SPOCK3: variants seen among roughly 807,000 people sequenced by gnomAD.
SPOCK3 encodes the protein SPARC (osteonectin), cwcv and kazal like domains proteoglycan 3, also known as testican-3.
A neutral mutation model predicts 56.6 loss-of-function variants in SPOCK3; 30 were observed. The observed-to-expected ratio is 0.53, with a 90% CI of 0.40 to 0.72. The LOEUF is 0.72. Ranked by LOEUF, SPOCK3 falls within the 30% of genes least tolerant of loss-of-function variation. SPOCK3 has a pLI of 0.00. For synonymous variants in SPOCK3, 196 were observed against 183.3 expected, an observed-to-expected ratio of 1.07 and a Z score of -0.56; for missense variants, 527 against 530.0, an observed-to-expected ratio of 0.99 and a Z score of 0.06.
At chr4:166,890,942 T>C (rs927499396) in intron 5 of SPOCK3, among the ~76,000 whole-genome samples, 2 of 152,080 alleles carry the variant, frequency 1.3e-5, no homozygotes, top group African/African-American at 4.8e-5. Flanking sequence ...TACTCCTGTA[T>C]TGGGTACTCA....
At chr4:167,212,532 C>T (rs977744264) in intron 2 of SPOCK3, among the ~76,000 whole-genome samples, 1 of 152,058 alleles carries the variant, frequency 6.6e-6, no homozygotes, top group Non-Finnish European at 1.5e-5. Flanking sequence ...GGAGCCACGG[C>T]GCCCAGCCAA....
At chr4:166,794,549 CA>C (rs1741699962) in intron 6 of SPOCK3, among the ~76,000 whole-genome samples, 1 of 150,960 alleles carries the variant, frequency 6.6e-6, no homozygotes, top group African/African-American at 2.4e-5. Flanking sequence ...CAAAAGTCAA[CA>C]AAAAATTTTT....
At chr4:166,774,361 T>C (rs946493617) in intron 7 of SPOCK3, among the ~76,000 whole-genome samples, 1 of 152,188 alleles carries the variant, frequency 6.6e-6, no homozygotes, top group Non-Finnish European at 1.5e-5. Flanking sequence ...TCTATTTTCA[T>C]ACCCCTAGAT....
intron 2 of SPOCK3, among the ~76,000 whole-genome samples, chr4:167,116,474 GTA>G (rs1187680700): frequency 9.9e-4 from 70 of 70,862 alleles, no homozygotes; most frequent in African/African-American, 3.8e-3. Context: ...ACACACTTTT[GTA>G]TATATATACT....
intron 3 of SPOCK3, among the ~76,000 whole-genome samples, chr4:167,026,901 G>T (rs1369983556): frequency 7.4e-6 from 1 of 134,410 alleles, no homozygotes; most frequent in Non-Finnish European, 1.6e-5. Flanking sequence ...GTGACATTTT[G>T]AGGTGACTGA....
intron 2 of SPOCK3, among the ~76,000 whole-genome samples, chr4:167,175,325 A>G (rs967367098): frequency 2.0e-5 from 3 of 152,162 alleles, no homozygotes; most frequent in Non-Finnish European, 2.9e-5. Context: ...GGTGTCCTTT[A>G]AAAGAATCAC....
chr4:166,845,299 T>A lies in SPOCK3; in HGVS notation c.589+43831A>T, dbSNP rs1278623845. On this transcript the variant is annotated intron_variant, in intron 6 of 10. Transcript: ENST00000357545. Reference sequence around the variant, plus strand: ...AGAACAATTGGTAAACCAAAATAAATTTTTCATTTTAATACATGTTTATTA... The same window carrying A: ...AGAACAATTGGTAAACCAAAATAAAATTTTCATTTTAATACATGTTTATTA... Among the ~76,000 whole-genome samples, 6 of 152,178 alleles carry A rather than the reference T, an allele frequency of 3.9e-5. No individual in the cohort carries two copies. In the East Asian group the frequency reaches 1.2e-3, roughly 29 times the overall value.
chr4:166,948,659 G>T (rs912156681), intron 4 of SPOCK3, among the ~76,000 whole-genome samples: 1 of 152,000 alleles, frequency 6.6e-6, no homozygotes, highest in Non-Finnish European at 1.5e-5. Flanking sequence ...CCATTAATAT[G>T]TCTTCTTTTA....
chr4:166,950,822 T>C (rs373000324), intron 4 of SPOCK3, among the ~76,000 whole-genome samples: 17,235 of 140,924 alleles, frequency 0.12, 1,493 homozygotes, highest in African/African-American at 0.25. Flanking sequence ...GAACAACCTG[T>C]TCCTGAATGA....
intron 2 of SPOCK3, among the ~76,000 whole-genome samples, chr4:167,140,687 G>A (rs1453207157): frequency 2.6e-5 from 4 of 151,980 alleles, no homozygotes; most frequent in Non-Finnish European, 1.5e-5. Flanking sequence ...AATAAAATGA[G>A]AAAACCTTTG....
intron 2 of SPOCK3, among the ~76,000 whole-genome samples, chr4:167,173,253 T>C (rs1730666867): frequency 6.6e-6 from 1 of 152,172 alleles, no homozygotes; most frequent in Non-Finnish European, 1.5e-5. Flanking sequence ...TCTGTATTTT[T>C]ACTTTTCATT....
Position 166,820,048 on chromosome 4 carries a change from A to T in SPOCK3, c.590-27759T>A, listed in dbSNP as rs183594967. ...TGGACAATGAATTTTTAAGATGATG[A>T]TTCTCTTCAAATTCATGTACAGATG... On this transcript the variant is annotated intron_variant, in intron 6 of 10. Coordinates refer to ENST00000357545, the MANE Select transcript of SPOCK3 (RefSeq NM_001040159.2). 2.6e-4 allele frequency among the ~76,000 whole-genome samples: 40 copies of T among 152,120 alleles called. 1 individual carries two copies. The East Asian group carries it at 7.8e-3, about 30-fold the overall frequency.
intron 6 of SPOCK3, among the ~76,000 whole-genome samples, chr4:166,793,893 C>T (rs1336791318): frequency 1.3e-5 from 2 of 152,088 alleles, no homozygotes; most frequent in African/African-American, 2.4e-5. Context: ...TACAATCTTT[C>T]CCCAGGATGC....
At chr4:166,894,178 G>A (rs1399674421) in intron 5 of SPOCK3, among the ~76,000 whole-genome samples, 1 of 152,040 alleles carries the variant, frequency 6.6e-6, no homozygotes, top group Non-Finnish European at 1.5e-5. Context: ...TTCATTGGAG[G>A]AGCATTTCCT....
At chr4:167,003,651 T>C (rs1378155343) in intron 3 of SPOCK3, among the ~76,000 whole-genome samples, 1 of 152,220 alleles carries the variant, frequency 6.6e-6, no homozygotes, top group African/African-American at 2.4e-5. Flanking sequence ...TATTTAGTTT[T>C]CTCTCCAGCA....
intron 6 of SPOCK3, among the ~76,000 whole-genome samples, chr4:166,837,573 T>C (rs535212632): frequency 2.6e-5 from 4 of 152,304 alleles, no homozygotes; most frequent in African/African-American, 9.6e-5. Context: ...ACTATAGAAA[T>C]TGTACTTCCC....
chr4:166,931,725 G>A (rs982968613), intron 4 of SPOCK3, among the ~76,000 whole-genome samples: 1 of 152,138 alleles, frequency 6.6e-6, no homozygotes, highest in African/African-American at 2.4e-5. Flanking sequence ...CATTTCCCAA[G>A]TATTGATCAC....
chr4:166,830,801 A>C (rs1431388995), intron 6 of SPOCK3, among the ~76,000 whole-genome samples: 4 of 152,100 alleles, frequency 2.6e-5, no homozygotes, highest in Admixed American at 2.6e-4. Context: ...TGTTTTTGGG[A>C]AAGTGTGATC....
At chr4:167,062,178 A>T (rs1315692422) in intron 3 of SPOCK3, among the ~76,000 whole-genome samples, 1 of 151,856 alleles carries the variant, frequency 6.6e-6, no homozygotes, top group Non-Finnish European at 1.5e-5. Context: ...TGCCCAGTGA[A>T]TGTACTTGAA....
Sources: gnomAD v4.1 joint callset for allele counts (sites outside exome capture counted in the v4.1 genomes callset) on GRCh38, gnomAD v4.1.1 for gene constraint, MANE v1.5 for transcripts, NCBI Gene and HGNC (gene_info 2026-07-23, HGNC 2026-07-21) for gene names.